The following SH3RF1 variants were observed in gnomAD, a reference collection of about 807,000 sequenced individuals.
SH3RF1 encodes E3 ubiquitin-protein ligase SH3RF1.
In SH3RF1, 32 loss-of-function variants were observed where a neutral mutation model predicts 74.0. The ratio of observed to expected loss-of-function variants is 0.43; its 90% CI spans 0.33 to 0.58. The LOEUF is 0.58. Among genes scored for constraint, SH3RF1 ranks in the 20% least tolerant of loss-of-function variants. The pLI is 0.05. For synonymous variants in SH3RF1, 396 were observed against 439.6 expected (o/e 0.90, Z 1.24); for missense variants, 954 against 1,130.9 (o/e 0.84, Z 2.24).
intron 2 of SH3RF1, among the ~76,000 whole-genome samples, chr4:169,191,120 T>G (rs1357280791): frequency 6.6e-6 from 1 of 151,974 alleles, no homozygotes. Context: ...AACATAATAC[T>G]AAATGGGGAA....
intron 2 of SH3RF1, among the ~76,000 whole-genome samples, chr4:169,218,713 C>A (rs939459105): frequency 4.0e-5 from 6 of 151,610 alleles, no homozygotes; most frequent in Admixed American, 4.0e-4. Flanking sequence ...GCATTACTGC[C>A]TTTTTATAGC....
chr4:169,114,631 T>C (rs1339483629), intron 10 of SH3RF1, among the ~76,000 whole-genome samples: 2 of 152,332 alleles, frequency 1.3e-5, no homozygotes, highest in East Asian at 1.9e-4. Flanking sequence ...CTGAGACACA[T>C]TGTCATCAAG....
intron 2 of SH3RF1, 82 bp downstream of exon 2, chr4:169,268,738 C>A (rs1051884691): frequency 1.7e-5 from 25 of 1,460,842 alleles, no homozygotes; most frequent in Non-Finnish European, 2.2e-5. Flanking sequence ...GAGTTGACTT[C>A]GAAAACACCA....
intron 2 of SH3RF1, among the ~76,000 whole-genome samples, chr4:169,189,618 T>C (rs17515417): frequency 0.11 from 17,193 of 152,196 alleles, 991 homozygotes; most frequent in Middle Eastern, 0.16. Context: ...AAACCAGTGG[T>C]GGCCTATGCT....
intron 2 of SH3RF1, among the ~76,000 whole-genome samples, chr4:169,264,673 G>C (rs1400796819): frequency 6.6e-6 from 1 of 152,066 alleles, no homozygotes; most frequent in Non-Finnish European, 1.5e-5. Flanking sequence ...CCTGCTAATC[G>C]TCTCAGTCCC....
intron 4 of SH3RF1, among the ~76,000 whole-genome samples, chr4:169,146,252 C>T (rs1470263379): frequency 5.2e-5 from 7 of 133,940 alleles, no homozygotes; most frequent in Admixed American, 2.4e-4. Flanking sequence ...TTTTTTGAGA[C>T]CAAGTCTCGC....
chr4:169,118,371 C>T (rs1198804614), intron 8 of SH3RF1, among the ~76,000 whole-genome samples: 8 of 152,232 alleles, frequency 5.3e-5, no homozygotes, highest in Non-Finnish European at 8.8e-5. Context: ...TCTATTGTTT[C>T]ATGTGGATTT....
At chr4:169,171,874 A>C (rs1734334269) in intron 2 of SH3RF1, among the ~76,000 whole-genome samples, 1 of 152,200 alleles carries the variant, frequency 6.6e-6, no homozygotes, top group Non-Finnish European at 1.5e-5. Flanking sequence ...CACTGGATCT[A>C]GAGGTGGGGC....
At chr4:169,098,871 G>A (rs975008823) in intron 11 of SH3RF1, among the ~76,000 whole-genome samples, 5 of 152,198 alleles carry the variant, frequency 3.3e-5, no homozygotes, top group Admixed American at 6.5e-5. Flanking sequence ...TTCGTATGGT[G>A]TCTGACAAAG....
chr4:169,233,884 T>C (rs1182547394), intron 2 of SH3RF1, among the ~76,000 whole-genome samples: 2 of 152,198 alleles, frequency 1.3e-5, no homozygotes, highest in South Asian at 2.1e-4. Flanking sequence ...GATTTCTCTA[T>C]TTCCGCCCCT....
At chr4:169,139,144 T>C (rs1733744864) in intron 4 of SH3RF1, among the ~76,000 whole-genome samples, 1 of 152,186 alleles carries the variant, frequency 6.6e-6, no homozygotes, top group Non-Finnish European at 1.5e-5. Context: ...GGTCTCATTA[T>C]GATATCTAGC....
intron 2 of SH3RF1, among the ~76,000 whole-genome samples, chr4:169,191,575 C>G (rs183156633): frequency 1.3e-4 from 20 of 152,094 alleles, no homozygotes; most frequent in African/African-American, 4.6e-4. Context: ...AAAAAAGAAC[C>G]AATAAAGCCA....
chr4:169,255,662 C>CACACACAG (rs1385260432), intron 2 of SH3RF1, among the ~76,000 whole-genome samples: 6 of 150,794 alleles, frequency 4.0e-5, no homozygotes, highest in Admixed American at 6.6e-5. Context: ...CACACACACA[C>CACACACAG]AGAGTCCAGA....
intron 10 of SH3RF1, among the ~76,000 whole-genome samples, chr4:169,109,786 G>A (rs1328771249): frequency 6.6e-6 from 1 of 151,814 alleles, no homozygotes; most frequent in Admixed American, 6.6e-5. Flanking sequence ...GAGGCAGGAG[G>A]ATCACTTGAG....
At chr4:169,253,323 AGTC>A (rs1731134600) in intron 2 of SH3RF1, among the ~76,000 whole-genome samples, 3 of 152,244 alleles carry the variant, frequency 2.0e-5, no homozygotes, top group African/African-American at 7.2e-5. Context: ...CAGATAGCTT[AGTC>A]TCCTGAGAGA....
At chr4:169,215,780 T>C (rs1579143049) in intron 2 of SH3RF1, among the ~76,000 whole-genome samples, 1 of 152,148 alleles carries the variant, frequency 6.6e-6, no homozygotes, top group Non-Finnish European at 1.5e-5. Flanking sequence ...TTTTTTGTTT[T>C]TTTTTTCGTT....
intron 4 of SH3RF1, among the ~76,000 whole-genome samples, chr4:169,140,207 T>G (rs561897527): frequency 6.6e-6 from 1 of 152,332 alleles, no homozygotes; most frequent in South Asian, 2.1e-4. Flanking sequence ...AAGCAGCTTT[T>G]GCTGTAAGTA....
Position 169,136,407 on chromosome 4 carries a change from T to C in SH3RF1, c.979A>G (p.Ser327Gly). The C allele has an allele frequency of 1.2e-6, 2 of 1,606,512 alleles. No individual in the cohort carries two copies. The highest frequency in any genetic ancestry group is 8.5e-7 in the Non-Finnish European group (1 of 1,176,482). ...ASQNRHSMEISPPVLISSSNP... is the reference protein window; with the variant it reads ...ASQNRHSMEIGPPVLISSSNP... ...CTGGAGCTGATGAGGACAGGGGGGC[T>C]GATCTCCATGGAGTGGCGGTTCTGG... Residue 327 changes from serine to glycine, a missense_variant, in exon 5 of 12, where the codon AGC becomes GGC. By Grantham distance (56) the Ser-to-Gly change is moderately conservative (BLOSUM62 0). This residue lies in a region of SH3RF1 where 854 missense variants were observed against 962.5 expected (regional missense o/e 0.89). Transcript: ENST00000284637.
At chr4:169,251,316 G>A (rs1465223452) in intron 2 of SH3RF1, among the ~76,000 whole-genome samples, 1 of 152,206 alleles carries the variant, frequency 6.6e-6, no homozygotes, top group Non-Finnish European at 1.5e-5. Flanking sequence ...GTAAAGTCAT[G>A]TATACACGCT....
Sources: allele counts gnomAD v4.1 joint callset (sites outside exome capture counted in the v4.1 genomes callset), GRCh38; gene constraint gnomAD v4.1.1; regional missense constraint gnomAD v4.1.1; transcripts MANE v1.5; gene names NCBI Gene and HGNC (gene_info 2026-07-23, HGNC 2026-07-21).